Variants in TCF4 observed in about 807,000 individuals in gnomAD.
The protein encoded by TCF4 is SL3-3 enhancer factor 2.
Under a neutral mutation model 82.1 loss-of-function variants are expected in TCF4, and 3 were observed. That is an observed-to-expected ratio of 0.04 (90% CI 0.02 to 0.09). The LOEUF is 0.09. Among genes scored for constraint, TCF4 ranks in the 10% least tolerant of loss-of-function variants. TCF4 has a pLI of 1.00. For synonymous variants in TCF4, 276 were observed against 309.6 expected (o/e 0.89, Z 1.14); for missense variants, 518 against 852.7 (o/e 0.61, Z 4.89).
chr18:55,625,796 AGAAAG>A (rs1208385153), intron 2 of TCF4, among the ~76,000 whole-genome samples: 2 of 152,180 alleles, frequency 1.3e-5, no homozygotes, highest in South Asian at 2.1e-4. Context: ...AAAAAATAGA[AGAAAG>A]GAAGTATTTT....
chr18:55,622,133 C>T (rs1039755095), intron 2 of TCF4, among the ~76,000 whole-genome samples: 1 of 145,352 alleles, frequency 6.9e-6, no homozygotes, highest in South Asian at 2.1e-4. Flanking sequence ...TTATCCTTAG[C>T]CCTCATCCTT....
At chr18:55,606,914 A>G (rs1171534885) in intron 2 of TCF4, among the ~76,000 whole-genome samples, 1 of 152,118 alleles carries the variant, frequency 6.6e-6, no homozygotes, top group African/African-American at 2.4e-5. Context: ...CACACATCAA[A>G]ATCTGGTAAC....
chr18:55,321,507 CAAG>C (rs1015621907), intron 8 of TCF4: 22 of 1,043,960 alleles, frequency 2.1e-5, no homozygotes, highest in South Asian at 1.3e-4. Context: ...AAGAAGTAGG[CAAG>C]AAGAAGATCT....
chr18:55,333,162 T>C (rs1356297770), intron 8 of TCF4, among the ~76,000 whole-genome samples: 1 of 152,234 alleles, frequency 6.6e-6, no homozygotes, highest in African/African-American at 2.4e-5. Flanking sequence ...TCCTAACTCA[T>C]TGATATCAAA....
At chr18:55,383,894 C>A (rs2092310028) in intron 6 of TCF4, 1 of 152,216 alleles carries the variant, frequency 6.6e-6, no homozygotes, top group Non-Finnish European at 1.5e-5. Context: ...CCATGAAACA[C>A]TGGGTCTACC....
At chr18:55,261,293 G>T in intron 12 of TCF4, 173 bp downstream of exon 12, 2 of 764,262 alleles carry the variant, frequency 2.6e-6, no homozygotes. Flanking sequence ...ACTATATACT[G>T]GAAGCTTCAG....
intron 3 of TCF4, among the ~76,000 whole-genome samples, chr18:55,513,179 T>C (rs1280065079): frequency 1.3e-5 from 2 of 152,178 alleles, no homozygotes; most frequent in Admixed American, 6.5e-5. Flanking sequence ...TAGTGCTGAC[T>C]TCAGGTCCCA....
chr18:55,234,798 G>A, intron 15 of TCF4, 115 bp from the exon 16 acceptor site: 1 of 1,505,214 alleles, frequency 6.6e-7, no homozygotes, highest in Non-Finnish European at 9.2e-7. Flanking sequence ...ACTCCCAAAC[G>A]CGTTTCACTA....
At chr18:55,510,311 G>A (rs1019198701) in intron 3 of TCF4, among the ~76,000 whole-genome samples, 1 of 152,038 alleles carries the variant, frequency 6.6e-6, no homozygotes, top group African/African-American at 2.4e-5. Context: ...ACATTTTCAG[G>A]CATTTTGGTA....
At chr18:55,570,924 C>T (rs1192303125) in intron 3 of TCF4, among the ~76,000 whole-genome samples, 2 of 148,650 alleles carry the variant, frequency 1.3e-5, no homozygotes, top group African/African-American at 5.0e-5. Flanking sequence ...TAATGGGATA[C>T]ATTTTCTATT....
chr18:55,229,074 T>G lies in TCF4; in HGVS notation c.1652A>C (p.Asn551Thr). The G allele has an allele frequency of 6.2e-7, 1 of 1,614,116 alleles. No individual in the cohort carries two copies. The highest frequency in any genetic ancestry group is 1.1e-5 in the South Asian group (1 of 91,086). Residue 551 changes from asparagine (N) to threonine (T), a missense_variant and splice_region_variant, in exon 18 of 20, where the codon AAT (asparagine) becomes ACT (threonine). Physicochemically the swap from Asn to Thr is moderately conservative, Grantham distance 65. Transcript: ENST00000354452. The stretch of plus-strand genomic sequence containing the variant: ...TGGTGTCAGGTCCTCATCGTCATTA[T>G]TGCTGTGGGACAAAAGGGATGCAAC... Reference protein sequence around the residue: ...IKSITRSRSSNNDDEDLTPEQ... With the variant: ...IKSITRSRSSTNDDEDLTPEQ...
intron 6 of TCF4, among the ~76,000 whole-genome samples, chr18:55,379,653 T>C (rs1300000844): frequency 6.6e-6 from 1 of 152,136 alleles, no homozygotes; most frequent in Admixed American, 6.5e-5. Flanking sequence ...GTTAATTCAG[T>C]TAATTTACTC....
At chr18:55,464,410 G>A (rs1313821070) in intron 3 of TCF4, among the ~76,000 whole-genome samples, 1 of 152,136 alleles carries the variant, frequency 6.6e-6, no homozygotes, top group Non-Finnish European at 1.5e-5. Flanking sequence ...AGTCTTTATA[G>A]ATGTGAAACT....
intron 5 of TCF4, among the ~76,000 whole-genome samples, chr18:55,436,162 G>A (rs949495652): frequency 3.9e-5 from 6 of 152,156 alleles, no homozygotes; most frequent in Non-Finnish European, 5.9e-5. Flanking sequence ...CTTTCCAAAA[G>A]TTATGGGTAT....
At chr18:55,261,592 A>G (rs751643673) in intron 11 of TCF4, 59 bp from the exon 12 acceptor site, 3 of 1,575,948 alleles carry the variant, frequency 1.9e-6, no homozygotes, top group Non-Finnish European at 1.7e-6. Context: ...ACAATTTTCT[A>G]TTCCTGGTCC....
At chr18:55,462,050 C>T (rs1185671428) in intron 4 of TCF4, among the ~76,000 whole-genome samples, 2 of 152,102 alleles carry the variant, frequency 1.3e-5, no homozygotes, top group Admixed American at 6.6e-5. Context: ...TCAGAGGTAT[C>T]GGTTGCATGT....
At chr18:55,377,539 G>A (rs980660685) in intron 6 of TCF4, among the ~76,000 whole-genome samples, 8 of 152,208 alleles carry the variant, frequency 5.3e-5, no homozygotes, top group East Asian at 1.9e-4. Context: ...TTGTACTTAC[G>A]TTTAACTGAT....
chr18:55,328,558 C>T (rs1319023265), intron 8 of TCF4, among the ~76,000 whole-genome samples: 1 of 152,168 alleles, frequency 6.6e-6, no homozygotes. Context: ...CTAGATGAAG[C>T]TGGTTAGCGA....
chr18:55,397,133 T>C (rs1019327858), intron 6 of TCF4, among the ~76,000 whole-genome samples: 1 of 152,214 alleles, frequency 6.6e-6, no homozygotes, highest in African/African-American at 2.4e-5. Context: ...TCCTTTACAA[T>C]GGAACAATCC....
Sources: allele counts gnomAD v4.1 joint callset (sites outside exome capture counted in the v4.1 genomes callset), GRCh38; gene constraint gnomAD v4.1.1; transcripts MANE v1.5; gene names NCBI Gene and HGNC (gene_info 2026-07-23, HGNC 2026-07-21).